The following PIK3C2B variants were observed in gnomAD, a reference collection of about 807,000 sequenced individuals.
The protein encoded by PIK3C2B is phosphatidylinositol 4-phosphate 3-kinase C2 domain-containing subunit beta.
In PIK3C2B, 83 loss-of-function variants were observed where a neutral mutation model predicts 184.3. The ratio of observed to expected loss-of-function variants is 0.45; its 90% CI spans 0.38 to 0.54. The LOEUF is 0.54. Among genes scored for constraint, PIK3C2B ranks in the 20% least tolerant of loss-of-function variants. The pLI, the probability that PIK3C2B is intolerant of heterozygous loss-of-function variation, is 0.00. For missense variants in PIK3C2B, 1,736 were observed against 2,113.5 expected (o/e 0.82, Z 3.50); for synonymous variants, 779 against 837.6 (o/e 0.93, Z 1.21).
chr1:204,437,800 G>A (rs965388447), intron 23 of PIK3C2B, among the ~76,000 whole-genome samples: 1 of 152,178 alleles, frequency 6.6e-6, no homozygotes, highest in African/African-American at 2.4e-5. Context: ...AGAGGCAAAG[G>A]AGAGACAGCA....
At chr1:204,438,140 T>C (rs1558237300) in intron 23 of PIK3C2B, among the ~76,000 whole-genome samples, 2 of 152,232 alleles carry the variant, frequency 1.3e-5, no homozygotes, top group Non-Finnish European at 2.9e-5. Flanking sequence ...ATAAAGTACA[T>C]TGATCAATAT....
At chr1:204,471,883 A>G (rs2103518974) in intron 1 of PIK3C2B, among the ~76,000 whole-genome samples, 1 of 152,340 alleles carries the variant, frequency 6.6e-6, no homozygotes. Flanking sequence ...CCCAAAATAC[A>G]CCAATATATA....
chr1:204,428,650 C>A lies in PIK3C2B; in HGVS notation c.4399-430G>T, dbSNP rs1456804722. Among the ~76,000 whole-genome samples, 6 of 152,070 alleles carry A rather than the reference C, an allele frequency of 3.9e-5. No individual in the cohort carries two copies. In the East Asian group the frequency reaches 7.7e-4, roughly 20 times the overall value. On this transcript the variant is annotated intron_variant, in intron 29 of 32. Coordinates refer to ENST00000684373, the MANE Select transcript of PIK3C2B (RefSeq NM_001377334.1). ...ATGAGATTACAGGCCTGCGCCACCACGCCCAGCTAATTTTTGTATTTTTGG... is the reference window on the plus strand; with the variant it reads ...ATGAGATTACAGGCCTGCGCCACCAAGCCCAGCTAATTTTTGTATTTTTGG...
Position 204,473,792 on chromosome 1 carries a change from T to G in PIK3C2B, c.-84-3906A>C, listed in dbSNP as rs539518325. ...GGCCCAGGGGAAGCAGATTCCTGCCTCCTGCTGAGGCACAATCCTCTTCTG... is the reference window on the plus strand; with the variant it reads ...GGCCCAGGGGAAGCAGATTCCTGCCGCCTGCTGAGGCACAATCCTCTTCTG... On this transcript the variant is annotated intron_variant, in intron 1 of 32. Transcript: ENST00000684373. Among the ~76,000 whole-genome samples the G allele has an allele frequency of 7.9e-5, 12 of 152,318 alleles. No individual in the cohort carries two copies. In the South Asian group the frequency reaches 2.5e-3, roughly 32 times the overall value.
At position 204,460,551 on chromosome 1, in the gene PIK3C2B, G is replaced by A. The variant is rs142843233; in HGVS notation, c.1421C>T (p.Thr474Met). The A allele has an allele frequency of 5.6e-4, 897 of 1,612,428 alleles. 14 individuals carry two copies. In the South Asian group the frequency reaches 8.6e-3, roughly 15 times the overall value. ...ACCCTCCACCACCCTCACACGAACC[G>A]TCCGGGCCAGGTCACTGCGCACAAC... ...QKVVRSDLAR[T>M]VNDDQSPSTL... Residue 474 changes from threonine to methionine, a missense_variant and splice_region_variant, in exon 6 of 33, where the codon ACG becomes ATG. Transcript: ENST00000684373.
In PIK3C2B at chr1:204,444,112, C is replaced by T; in HGVS notation, c.2823G>A (p.Leu941=). ...YLDSPLVRFL[L]KRAVSDLRVT... is the part of the protein sequence containing the mutation. ...CTCTCAAGTCAGACACAGCTCGTTT[C>T]AGGAGGAAGCGCACCAACGGGCTGT... The change falls in exon 18 of 33, where the codon CTG becomes CTA. Residue 941 remains leucine (L), a synonymous_variant. Coordinates refer to ENST00000684373, the MANE Select transcript of PIK3C2B (RefSeq NM_001377334.1). 2.5e-6 allele frequency: 4 copies of T among 1,614,008 alleles called. No individual in the cohort carries two copies. Among genetic ancestry groups the T allele is most frequent in the Non-Finnish European group, 3.4e-6 (4 of 1,179,842 alleles).
chr1:204,433,841 G>T lies in PIK3C2B; in HGVS notation c.3795C>A (p.Tyr1265Ter). The T allele has an allele frequency of 6.2e-7, 1 of 1,614,192 alleles. No individual in the cohort carries two copies. The part of the protein sequence containing the change: ...HDFVDLCCQA[Y>*]NLIRKHTHLF... ...GGTGGGTGTGCTTGCGAATGAGGTT[G>T]TAGGCTTGGCAGCAAAGGTCAACAA... is the stretch of plus-strand genomic sequence containing the variant. Residue 1265 changes from tyrosine to a stop codon, truncating the protein, a stop_gained, in exon 25 of 33, where the codon TAC becomes TAA. Transcript: ENST00000684373. LOFTEE classifies it high-confidence loss of function. This position sits in a 1 kb window ranked among gnomAD's most constrained non-coding sequence, Gnocchi z 5.0.
Position 204,464,537 on chromosome 1 carries a change from TA to T in PIK3C2B, c.1101del (p.Ser368AlafsTer11). On this transcript the variant is annotated frameshift_variant, in exon 4 of 33. Coordinates refer to ENST00000684373, the MANE Select transcript of PIK3C2B (RefSeq NM_001377334.1). LOFTEE classifies it high-confidence loss of function. ...ACCTCATCCCCGAGGTGCTCTGGGCTAGGGGTGACAGCACTCCAGACATAGC... is the reference window on the plus strand; with the variant it reads ...ACCTCATCCCCGAGGTGCTCTGGGCTGGGGTGACAGCACTCCAGACATAGC... ...LTGYVWSAVTPSPEHLGDEVN... is the reference protein window; with the variant it reads ...LTGYVWSAVTXSPEHLGDEVN... 1 of 1,614,018 alleles carries T rather than the reference TA, an allele frequency of 6.2e-7. No homozygotes were observed. Among genetic ancestry groups the T allele is most frequent in the Non-Finnish European group, 8.5e-7 (1 of 1,179,916 alleles).
At chr1:204,472,619 A>G (rs931367101) in intron 1 of PIK3C2B, among the ~76,000 whole-genome samples, 1 of 152,102 alleles carries the variant, frequency 6.6e-6, no homozygotes, top group Non-Finnish European at 1.5e-5. Flanking sequence ...TTTCTACTAA[A>G]AATACAAAAA....
chr1:204,455,588 G>T (rs1011651655), intron 11 of PIK3C2B, among the ~76,000 whole-genome samples: 1 of 152,108 alleles, frequency 6.6e-6, no homozygotes, highest in Non-Finnish European at 1.5e-5. Flanking sequence ...GGATCTGGAG[G>T]GGGCAGGGAT....
chr1:204,438,026 C>T lies in PIK3C2B; in HGVS notation c.3516+909G>A, dbSNP rs569165426. 5.7e-4 allele frequency among the ~76,000 whole-genome samples: 87 copies of T among 152,260 alleles called. No homozygotes were observed. In the South Asian group the frequency reaches 0.015, roughly 26 times the overall value. ...GCCCAGCAGGCCAGGAATTAAGCCC[C>T]GGGGAACACAAACACTGAAAGCCAT... is the stretch of plus-strand genomic sequence containing the variant. On this transcript the variant is annotated intron_variant, in intron 23 of 32. Coordinates refer to ENST00000684373, the MANE Select transcript of PIK3C2B (RefSeq NM_001377334.1).
Position 204,446,101 on chromosome 1 carries a change from A to G in PIK3C2B, c.2533T>C (p.Tyr845His), listed in dbSNP as rs1653840451. The change falls in exon 16 of 33, where the codon TAC becomes CAC. Residue 845 changes from tyrosine (Y) to histidine (H), a missense_variant. By Grantham distance (83) the Tyr-to-His change is moderately conservative (BLOSUM62 2). Around this residue, in one of 8 missense-constraint regions of PIK3C2B, gnomAD observed 609 missense variants for 699.2 expected, o/e 0.87. Coordinates refer to ENST00000684373, the MANE Select transcript of PIK3C2B (RefSeq NM_001377334.1). ...DKKRLWEKRY[Y>H]CHSEVSSLPL... ...AGCGAGCTCACCTCCGAGTGGCAGT[A>G]ATATCGCTTCTCCCACAGGCGCTTC... is the stretch of plus-strand genomic sequence containing the variant. 6.3e-7 allele frequency: 1 copy of G among 1,593,954 alleles called. No homozygotes were observed. The highest frequency in any genetic ancestry group is 2.3e-5 in the East Asian group (1 of 44,432).
chr1:204,457,164 A>G (rs985024327), intron 9 of PIK3C2B, 94 bp from the exon 10 acceptor site: 4 of 1,069,774 alleles, frequency 3.7e-6, no homozygotes, highest in Non-Finnish European at 5.5e-6. Flanking sequence ...GCTCATCTGG[A>G]CCAGAATGGG....
chr1:204,484,464 C>A (rs114970346), intron 1 of PIK3C2B, among the ~76,000 whole-genome samples: 1 of 152,088 alleles, frequency 6.6e-6, no homozygotes, highest in Admixed American at 6.5e-5. Flanking sequence ...GATGGCCGGG[C>A]GCGGTGGCTC....
Position 204,428,072 on chromosome 1 carries a change from G to A in PIK3C2B, c.4480+67C>T, listed in dbSNP as rs1400245131. 1.3e-5 allele frequency: 11 copies of A among 875,670 alleles called. 1 individual carries two copies. Among genetic ancestry groups the A allele is most frequent in the Middle Eastern group, 2.6e-4 (1 of 3,802 alleles). 54.2% of individuals were successfully genotyped at this position (875,670 alleles called of 1,614,324 possible). Reference sequence around the variant, plus strand: ...GAGAGAGAACTGAGAAGAGGTTGGGGCAGAAGCAGTTACCCTTGGGGTAGT... The same window carrying A: ...GAGAGAGAACTGAGAAGAGGTTGGGACAGAAGCAGTTACCCTTGGGGTAGT... On this transcript the variant is annotated intron_variant, in intron 30 of 32. Transcript: ENST00000684373.
In PIK3C2B at chr1:204,444,319, C is replaced by T. The variant is rs1440812173; in HGVS notation, c.2772+12G>A. 1 of 1,603,398 alleles carries T rather than the reference C, an allele frequency of 6.2e-7. No homozygotes were observed. Among genetic ancestry groups the T allele is most frequent in the African/African-American group, 1.3e-5 (1 of 74,752 alleles). ...GGACCAGCAAAACTGGAGGGAGGAC[C>T]AATCCACCCACCTGTACCAGCTGGG... On this transcript the variant is annotated intron_variant, in intron 17 of 32. Transcript: ENST00000684373.
At chr1:204,449,742 A>C in intron 13 of PIK3C2B, 108 bp downstream of exon 13, 2 of 1,013,926 alleles carry the variant, frequency 2.0e-6, no homozygotes, top group Non-Finnish European at 2.9e-6. Context: ...TGAGCCCCAC[A>C]TGGCCAACTC....
Position 204,433,212 on chromosome 1 carries a change from C to G in PIK3C2B, c.3953+104G>C. ...CGTGGTCAGCTCTAGGCTCTAGCAT[C>G]TGAGCTAAGCTTTTCACCTTTCCCC... is the stretch of plus-strand genomic sequence containing the variant. On this transcript the variant is annotated intron_variant, in intron 26 of 32. Coordinates refer to ENST00000684373, the MANE Select transcript of PIK3C2B (RefSeq NM_001377334.1). The surrounding 1 kb of genome is among the most constrained non-coding windows in gnomAD (Gnocchi z 5.0). 1.5e-6 allele frequency: 1 copy of G among 654,912 alleles called. No individual in the cohort carries two copies. 40.6% of individuals were successfully genotyped at this position (654,912 alleles called of 1,614,324 possible). A position where few individuals can be genotyped will look rare whatever the true frequency, so the allele number is the denominator to read the frequency against.
At chr1:204,460,818 G>C (rs1263236565) in intron 5 of PIK3C2B, among the ~76,000 whole-genome samples, 157 bp from the exon 6 acceptor site, 1 of 152,184 alleles carries the variant, frequency 6.6e-6, no homozygotes, top group Admixed American at 6.5e-5. Context: ...AAATGACACG[G>C]TAGAGCTTAG....
Sources: gnomAD v4.1 joint callset for allele counts (sites outside exome capture counted in the v4.1 genomes callset) on GRCh38, gnomAD v4.1.1 for gene constraint, gnomAD v4.1.1 regional missense constraint, Gnocchi (gnomAD v3.1) non-coding constraint, MANE v1.5 for transcripts, NCBI Gene and HGNC (gene_info 2026-07-23, HGNC 2026-07-21) for gene names.